Variants in LGR4 observed in about 807,000 individuals in gnomAD.
The protein encoded by LGR4 is leucine rich repeat containing G protein-coupled receptor 4.
A neutral mutation model predicts 84.8 loss-of-function variants in LGR4; 44 were observed. The ratio of observed to expected loss-of-function variants is 0.52; its 90% CI spans 0.41 to 0.67. The LOEUF (loss-of-function observed/expected upper bound fraction) is 0.67, where lower values mean the gene tolerates loss of function less well. Ranked by LOEUF, LGR4 falls within the 30% of genes least tolerant of loss-of-function variation. The pLI, the probability that LGR4 is intolerant of heterozygous loss-of-function variation, is 0.00. For synonymous variants in LGR4, 429 were observed against 434.3 expected, an observed-to-expected ratio of 0.99 and a Z score of 0.15; for missense variants, 1,032 against 1,131.4, an observed-to-expected ratio of 0.91 and a Z score of 1.26.
At position 27,380,661 on chromosome 11, in the gene LGR4, T is replaced by C. The variant is rs369372318; in HGVS notation, c.881A>G (p.Asn294Ser). The C allele has an allele frequency of 3.8e-6, 6 of 1,597,346 alleles. No individual in the cohort carries two copies. Among genetic ancestry groups the C allele is most frequent in the Non-Finnish European group, 5.1e-6 (6 of 1,166,576 alleles). Residue 294 changes from asparagine (N) to serine (S), a missense_variant, in exon 9 of 18, where the codon AAT (asparagine) becomes AGT (serine). Physicochemically the swap from Asn to Ser is conservative, Grantham distance 46. Coordinates refer to ENST00000379214, the MANE Select transcript of LGR4 (RefSeq NM_018490.5). Reference sequence around the variant, plus strand: ...TTACAGGGAATGAAGATCAGATAAATTGTGAAATGCTGAGTTCCCCACAAA... The same window carrying C: ...TTACAGGGAATGAAGATCAGATAAACTGTGAAATGCTGAGTTCCCCACAAA... The part of the protein sequence containing the change: ...LSFVGNSAFH[N>S]LSDLHSLVIR...
chr11:27,454,611 C>T (rs764656811), intron 1 of LGR4, among the ~76,000 whole-genome samples: 46 of 151,908 alleles, frequency 3.0e-4, no homozygotes, highest in Non-Finnish European at 8.8e-5. Context: ...AATACTAAAA[C>T]TTAGCCAGAT....
intron 1 of LGR4, among the ~76,000 whole-genome samples, chr11:27,443,898 T>C (rs1408842139): frequency 2.0e-5 from 3 of 152,192 alleles, no homozygotes; most frequent in Non-Finnish European, 4.4e-5. Context: ...AAAAGTGTCA[T>C]TCAGTTTCAA....
chr11:27,394,000 CA>C (rs1055058603), intron 2 of LGR4, among the ~76,000 whole-genome samples: 1 of 141,244 alleles, frequency 7.1e-6, no homozygotes, highest in African/African-American at 2.6e-5. Flanking sequence ...ACCCAGAAAC[CA>C]AAGGGGTAAG....
chr11:27,430,921 G>A (rs544151299), intron 1 of LGR4, among the ~76,000 whole-genome samples: 23 of 141,410 alleles, frequency 1.6e-4, no homozygotes, highest in Non-Finnish European at 1.5e-5. Context: ...CCACAAGCAC[G>A]CAAACCTCTC....
rs1565066370 is a variant in LGR4, at chr11:27,367,504, T to A, written c.*363A>T. 1 of 159,340 alleles carries A rather than the reference T, an allele frequency of 6.3e-6. No homozygotes were observed. Among genetic ancestry groups the A allele is most frequent in the Admixed American group, 6.4e-5 (1 of 15,688 alleles). The allele number at this position is 159,340 out of a possible 1,614,324, so 9.9% of individuals were successfully genotyped here. A position where few individuals can be genotyped will look rare whatever the true frequency, so the allele number is the denominator to read the frequency against. ...AAAATCACATTTTAAAATAGATTTT[T>A]AAAAAATATTAACAGCTGTTCTTTA... On this transcript the variant is annotated 3_prime_UTR_variant, in exon 18 of 18. Coordinates refer to ENST00000379214, the MANE Select transcript of LGR4 (RefSeq NM_018490.5).
rs766827980 is a variant in LGR4 at position 27,385,354 on chromosome 11, G to C, written c.516C>G (p.Pro172=). The part of the protein sequence containing the change: ...DNSLTEVPVH[P]LSNLPTLQAL... ...CCTGTAGGGTGGGCAGATTGCTGAGGGGGTGCACAGGCACCTCCGTCAAGC... is the reference window on the plus strand; with the variant it reads ...CCTGTAGGGTGGGCAGATTGCTGAGCGGGTGCACAGGCACCTCCGTCAAGC... Residue 172 remains proline, a synonymous_variant, in exon 5 of 18, where the codon CCC becomes CCG. Coordinates refer to ENST00000379214, the MANE Select transcript of LGR4 (RefSeq NM_018490.5). 2.5e-6 allele frequency: 4 copies of C among 1,612,208 alleles called. No individual in the cohort carries two copies. Among genetic ancestry groups the C allele is most frequent in the African/African-American group, 1.3e-5 (1 of 74,914 alleles).
In LGR4 at chr11:27,366,075, A is replaced by T. The variant is rs1247144664; in HGVS notation, c.*1792T>A. 1 of 152,582 alleles carries T rather than the reference A, an allele frequency of 6.6e-6. No homozygotes were observed. Among genetic ancestry groups the T allele is most frequent in the Admixed American group, 6.5e-5 (1 of 15,284 alleles). The allele number at this position is 152,582 out of a possible 1,614,324, so 9.5% of individuals were successfully genotyped here. On this transcript the variant is annotated 3_prime_UTR_variant, in exon 18 of 18. Transcript: ENST00000379214. Reference sequence around the variant, plus strand: ...CTGTTATTCTAGTTTTTAAATGAATAAAATGAAAAGTTTTCAATAACCTGA... The same window carrying T: ...CTGTTATTCTAGTTTTTAAATGAATTAAATGAAAAGTTTTCAATAACCTGA...
intron 1 of LGR4, among the ~76,000 whole-genome samples, chr11:27,427,196 T>C (rs1864037087): frequency 6.6e-6 from 1 of 152,228 alleles, no homozygotes; most frequent in South Asian, 2.1e-4. Flanking sequence ...GATGGTAGTA[T>C]GTTCAGTTTT....
At chr11:27,386,661 T>C (rs1863193791) in intron 4 of LGR4, among the ~76,000 whole-genome samples, 1 of 152,076 alleles carries the variant, frequency 6.6e-6, no homozygotes, top group Non-Finnish European at 1.5e-5. Flanking sequence ...TCTGGGCCCC[T>C]GGTCCCAATT....
chr11:27,374,259 A>G (rs750768923), intron 13 of LGR4, among the ~76,000 whole-genome samples: 1 of 152,228 alleles, frequency 6.6e-6, no homozygotes, highest in Non-Finnish European at 1.5e-5. Context: ...TACAGCAGTA[A>G]TTCTAGCTGG....
chr11:27,424,741 G>GT (rs1229351953), intron 1 of LGR4, among the ~76,000 whole-genome samples: 1 of 152,092 alleles, frequency 6.6e-6, no homozygotes, highest in Non-Finnish European at 1.5e-5. Flanking sequence ...TTAAGATTAG[G>GT]TTTTTTGTCT....
intron 1 of LGR4, among the ~76,000 whole-genome samples, chr11:27,418,695 G>A (rs916909291): frequency 2.0e-5 from 3 of 152,002 alleles, no homozygotes; most frequent in African/African-American, 7.2e-5. Flanking sequence ...AACACCCTAA[G>A]TATAATCTTT....
chr11:27,472,034 A>G (rs1021582802), intron 1 of LGR4, 84 bp downstream of exon 1: 9 of 995,866 alleles, frequency 9.0e-6, no homozygotes, highest in African/African-American at 1.8e-5. Flanking sequence ...GTGGGGTGGG[A>G]CTGACCCCTG....
intron 1 of LGR4, among the ~76,000 whole-genome samples, chr11:27,461,097 C>CT (rs1467211872): frequency 6.6e-6 from 1 of 152,020 alleles, no homozygotes; most frequent in Non-Finnish European, 1.5e-5. Flanking sequence ...TTAAGAATGT[C>CT]ATATAAACTT....
intron 6 of LGR4, among the ~76,000 whole-genome samples, chr11:27,383,608 A>G (rs1863138394): frequency 6.6e-6 from 1 of 152,212 alleles, no homozygotes; most frequent in Non-Finnish European, 1.5e-5. Context: ...CAGAAAATTC[A>G]GTCAAATAAA....
intron 1 of LGR4, among the ~76,000 whole-genome samples, chr11:27,452,151 T>C (rs1864492349): frequency 6.6e-6 from 1 of 152,196 alleles, no homozygotes; most frequent in South Asian, 2.1e-4. Flanking sequence ...CCTCAGGCTG[T>C]CATCTTACCT....
intron 1 of LGR4, among the ~76,000 whole-genome samples, chr11:27,461,691 A>G (rs924872414): frequency 5.9e-5 from 9 of 152,004 alleles, no homozygotes; most frequent in Non-Finnish European, 1.0e-4. Flanking sequence ...TGTGTGGCCA[A>G]AGACAATTCT....
At chr11:27,422,786 C>A (rs1000361561) in intron 1 of LGR4, among the ~76,000 whole-genome samples, 4 of 152,138 alleles carry the variant, frequency 2.6e-5, no homozygotes, top group African/African-American at 9.7e-5. Context: ...TTTGTCCATA[C>A]CCTAATCTTT....
intron 2 of LGR4, among the ~76,000 whole-genome samples, chr11:27,393,034 C>T (rs1307395642): frequency 1.3e-5 from 2 of 152,100 alleles, no homozygotes; most frequent in African/African-American, 4.8e-5. Flanking sequence ...ACTTTCCAAA[C>T]AATGGCCTAT....
Sources: gnomAD v4.1 joint callset for allele counts (sites outside exome capture counted in the v4.1 genomes callset) on GRCh38, gnomAD v4.1.1 for gene constraint, MANE v1.5 for transcripts, NCBI Gene and HGNC (gene_info 2026-07-23, HGNC 2026-07-21) for gene names.